The following CDYL variants were observed in gnomAD, a reference collection of about 807,000 sequenced individuals.
CDYL encodes chromodomain Y like.
In CDYL, 8 loss-of-function variants were observed where a neutral mutation model predicts 47.3. That is an observed-to-expected ratio of 0.17 (90% confidence interval 0.10 to 0.31). The LOEUF (loss-of-function observed/expected upper bound fraction) is 0.31. Ranked by LOEUF, CDYL falls within the 10% of genes least tolerant of loss-of-function variation. The pLI, the probability that CDYL is intolerant of heterozygous loss-of-function variation, is 1.00. For missense variants in CDYL, 471 were observed against 701.4 expected (o/e 0.67, Z 3.71); for synonymous variants, 266 against 265.0 (o/e 1.00, Z -0.04).
intron 2 of CDYL, among the ~76,000 whole-genome samples, chr6:4,924,710 C>G (rs1023374499): frequency 1.3e-5 from 2 of 152,112 alleles, no homozygotes; most frequent in Non-Finnish European, 2.9e-5. Flanking sequence ...AAAAAATGAA[C>G]GACTTCGATA....
chr6:4,802,130 T>C (rs1759243273), intron 1 of CDYL, among the ~76,000 whole-genome samples: 1 of 152,198 alleles, frequency 6.6e-6, no homozygotes, highest in East Asian at 1.9e-4. Flanking sequence ...AGTTGAGCAG[T>C]GCCTTGAGCC....
intron 3 of CDYL, among the ~76,000 whole-genome samples, chr6:4,749,483 G>A (rs62384839): frequency 1.3e-5 from 1 of 79,782 alleles, no homozygotes; most frequent in Non-Finnish European, 3.7e-5. Context: ...TGGATGAATG[G>A]ATGGATGAAT....
At position 4,802,109 on chromosome 6, in the gene CDYL, A is replaced by G. The variant is rs150412815; in HGVS notation, c.24+25302A>G. Among the ~76,000 whole-genome samples the G allele has an allele frequency of 3.3e-5, 5 of 152,272 alleles. No homozygotes were observed. The East Asian group carries it at 5.8e-4, about 18-fold the overall frequency. On this transcript the variant is annotated intron_variant, in intron 1 of 6. Coordinates refer to ENST00000397588, the MANE Select transcript of CDYL (RefSeq NM_004824.4). ...TTGTTTGCCCCCATGTTTTGCAGCA[A>G]TAGCTGTGGGAGTTGAGCAGTGCCT...
intron 2 of CDYL, among the ~76,000 whole-genome samples, chr6:4,923,334 C>G (rs2127510645): frequency 6.6e-6 from 1 of 152,270 alleles, no homozygotes. Context: ...CTTAATGTGC[C>G]TGGCTTCGTT....
At chr6:4,716,427 G>C (rs1461680414) in intron 2 of CDYL, among the ~76,000 whole-genome samples, 1 of 151,904 alleles carries the variant, frequency 6.6e-6, no homozygotes, top group East Asian at 1.9e-4. Context: ...TTTGTAGCCA[G>C]AACTTCCATT....
intron 5 of CDYL, among the ~76,000 whole-genome samples, chr6:4,949,918 T>C (rs905624633): frequency 3.3e-5 from 5 of 152,144 alleles, no homozygotes; most frequent in African/African-American, 1.2e-4. Context: ...CTTGAGTAAA[T>C]TGAGAAATGC....
chr6:4,826,975 A>G (rs1759998516), intron 1 of CDYL, among the ~76,000 whole-genome samples: 1 of 152,068 alleles, frequency 6.6e-6, no homozygotes, highest in Admixed American at 6.6e-5. Flanking sequence ...TGCTTCATGT[A>G]TTTTGGAGCA....
At chr6:4,946,647 T>A (rs988279684) in intron 5 of CDYL, among the ~76,000 whole-genome samples, 1 of 152,180 alleles carries the variant, frequency 6.6e-6, no homozygotes, top group African/African-American at 2.4e-5. Context: ...GCTGTGCATC[T>A]GCCGCGGGCC....
intron 1 of CDYL, among the ~76,000 whole-genome samples, chr6:4,838,041 G>C (rs79761864): frequency 6.6e-6 from 1 of 151,730 alleles, no homozygotes. Flanking sequence ...TCCTTCAAAA[G>C]TGCTGAGATT....
chr6:4,750,295 C>T (rs4613859), intron 3 of CDYL, among the ~76,000 whole-genome samples: 126,555 of 152,104 alleles, frequency 0.83, 54,584 homozygotes, highest in East Asian at 0.98. Flanking sequence ...CTCCACCTCC[C>T]GGGTTCAAGA....
chr6:4,707,711 C>T (rs1165088508), intron 1 of CDYL, among the ~76,000 whole-genome samples: 1 of 152,182 alleles, frequency 6.6e-6, no homozygotes, highest in African/African-American at 2.4e-5. Flanking sequence ...AAAAGTTAAG[C>T]TGATCCTCAA....
intron 5 of CDYL, among the ~76,000 whole-genome samples, chr6:4,945,922 A>G (rs1303326151): frequency 2.0e-5 from 3 of 152,222 alleles, no homozygotes; most frequent in Non-Finnish European, 4.4e-5. Flanking sequence ...ACAGAGAGTG[A>G]TGCTGCCTGA....
intron 3 of CDYL, among the ~76,000 whole-genome samples, chr6:4,740,300 C>T (rs1377110207): frequency 5.9e-5 from 9 of 152,162 alleles, no homozygotes; most frequent in Non-Finnish European, 1.3e-4. Flanking sequence ...TCATGTCAAG[C>T]CGGTGCTTCT....
chr6:4,750,383 A>G (rs980819409), intron 3 of CDYL, among the ~76,000 whole-genome samples: 33 of 151,906 alleles, frequency 2.2e-4, no homozygotes, highest in African/African-American at 8.0e-4. Flanking sequence ...TTGTATTTTT[A>G]AAAGAGACGG....
At chr6:4,729,929 T>C (rs1757576218) in intron 2 of CDYL, among the ~76,000 whole-genome samples, 1 of 151,684 alleles carries the variant, frequency 6.6e-6, no homozygotes. Context: ...AAAAAAAAGG[T>C]AGAGACAATA....
At chr6:4,917,972 G>C (rs923747185) in intron 2 of CDYL, among the ~76,000 whole-genome samples, 1 of 152,158 alleles carries the variant, frequency 6.6e-6, no homozygotes, top group African/African-American at 2.4e-5. Context: ...ATGTTTGCCT[G>C]TAGCTACTAT....
intron 1 of CDYL, among the ~76,000 whole-genome samples, chr6:4,799,833 TTGTTTC>T (rs71807573): frequency 0.025 from 3,785 of 152,334 alleles, 88 homozygotes; most frequent in East Asian, 0.085. Flanking sequence ...TGTGCATTGG[TTGTTTC>T]TGTTTCTGTT....
At chr6:4,728,413 C>T (rs571487583) in intron 2 of CDYL, among the ~76,000 whole-genome samples, 21 of 152,304 alleles carry the variant, frequency 1.4e-4, no homozygotes, top group East Asian at 3.9e-4. Context: ...CTCCTCTTCA[C>T]TCCCCCATCC....
At chr6:4,776,833 G>C in intron 1 of CDYL, 26 bp downstream of exon 1, 1 of 895,068 alleles carries the variant, frequency 1.1e-6, no homozygotes, top group Non-Finnish European at 1.3e-6. Context: ...CCGGCCTCGG[G>C]CCGCCCCCCG....
Sources: allele counts gnomAD v4.1 joint callset (sites outside exome capture counted in the v4.1 genomes callset), GRCh38; gene constraint gnomAD v4.1.1; transcripts MANE v1.5; gene names NCBI Gene and HGNC (gene_info 2026-07-23, HGNC 2026-07-21).